PHACTR1: variants seen among roughly 807,000 people sequenced by gnomAD.
PHACTR1 encodes phosphatase and actin regulator 1, also known as RPEL repeat containing 1.
Under a neutral mutation model 69.2 loss-of-function variants are expected in PHACTR1, and 16 were observed. The ratio of observed to expected loss-of-function variants is 0.23; its 90% CI spans 0.16 to 0.35. The LOEUF (loss-of-function observed/expected upper bound fraction) is 0.35, where lower values mean the gene tolerates loss of function less well. PHACTR1 is among the 10% of genes least tolerant of loss of function. The pLI, the probability that PHACTR1 is intolerant of heterozygous loss-of-function variation, is 1.00. For missense variants in PHACTR1, 510 were observed against 734.7 expected, an observed-to-expected ratio of 0.69 and a Z score of 3.54; for synonymous variants, 312 against 284.5, an observed-to-expected ratio of 1.10 and a Z score of -0.97.
chr6:13,286,014 C>T lies in PHACTR1; in HGVS notation c.1651-132C>T, dbSNP rs1427927834. 7.1e-6 allele frequency: 5 copies of T among 700,258 alleles called. No individual in the cohort carries two copies. In the African/African-American group the frequency reaches 9.4e-5, roughly 13 times the overall value. 43.4% of individuals were successfully genotyped at this position (700,258 alleles called of 1,614,324 possible). A position where few individuals can be genotyped will look rare whatever the true frequency, so the allele number is the denominator to read the frequency against. ...CATCTCAGGTGATTTTTCTTCCTCC[C>T]AATGAAAGAATCCATCTTAAACTTG... On this transcript the variant is annotated intron_variant, in intron 13 of 14. Transcript: ENST00000332995.
chr6:13,014,236 G>A (rs1582966866), intron 4 of PHACTR1, among the ~76,000 whole-genome samples: 1 of 152,152 alleles, frequency 6.6e-6, no homozygotes, highest in South Asian at 2.1e-4. Context: ...GGCGTCTGTC[G>A]CCTGGAAAAC....
In PHACTR1 at chr6:12,749,794, A is replaced by G. The variant is rs769012233; in HGVS notation, c.250+4A>G. 2.4e-5 allele frequency: 38 copies of G among 1,587,270 alleles called. No homozygotes were observed. The highest frequency in any genetic ancestry group is 3.1e-5 in the Non-Finnish European group (36 of 1,166,288). ...ATCTCCTTTAACCTGGGGGCAGGTAAGAACGCCCCTGGCGCCGCGCCCCCG... is the reference window on the plus strand; with the variant it reads ...ATCTCCTTTAACCTGGGGGCAGGTAGGAACGCCCCTGGCGCCGCGCCCCCG... On this transcript the variant is annotated splice_donor_region_variant and intron_variant, in intron 4 of 14. Transcript: ENST00000332995.
chr6:13,024,096 G>A (rs1801364681), intron 4 of PHACTR1, among the ~76,000 whole-genome samples: 1 of 151,720 alleles, frequency 6.6e-6, no homozygotes, highest in South Asian at 2.1e-4. Flanking sequence ...AAAAAAAACG[G>A]GAATAACAGC....
chr6:12,816,403 G>T (rs532921409), intron 4 of PHACTR1, among the ~76,000 whole-genome samples: 1 of 152,292 alleles, frequency 6.6e-6, no homozygotes, highest in African/African-American at 2.4e-5. Flanking sequence ...ATTAAACTCT[G>T]TGGGTGTGTA....
intron 4 of PHACTR1, among the ~76,000 whole-genome samples, chr6:12,980,511 C>A (rs1314052903): frequency 1.3e-5 from 2 of 151,936 alleles, no homozygotes; most frequent in African/African-American, 2.4e-5. Flanking sequence ...TTGCACTTAC[C>A]CAGTAGTGCC....
At chr6:13,118,980 G>A (rs538764320) in intron 5 of PHACTR1, among the ~76,000 whole-genome samples, 5 of 152,156 alleles carry the variant, frequency 3.3e-5, no homozygotes, top group Non-Finnish European at 5.9e-5. Context: ...GAGTTCCTAT[G>A]AGTCAAAAAG....
chr6:13,225,161 T>G (rs1209223154), intron 8 of PHACTR1, among the ~76,000 whole-genome samples: 1 of 152,256 alleles, frequency 6.6e-6, no homozygotes, highest in Admixed American at 6.5e-5. Flanking sequence ...GGCATTTGTC[T>G]TCTTCTCAGG....
chr6:13,217,044 C>A (rs1412357469), intron 8 of PHACTR1, among the ~76,000 whole-genome samples: 2 of 152,054 alleles, frequency 1.3e-5, no homozygotes, highest in Admixed American at 6.5e-5. Flanking sequence ...TCTTGGAAAC[C>A]ATCGTCCAGA....
chr6:13,036,038 T>C (rs1803253135), intron 4 of PHACTR1, among the ~76,000 whole-genome samples: 1 of 152,110 alleles, frequency 6.6e-6, no homozygotes, highest in African/African-American at 2.4e-5. Context: ...ATTTAAGAGA[T>C]AGGTTCTCAT....
At chr6:13,135,828 C>T (rs1821456605) in intron 5 of PHACTR1, among the ~76,000 whole-genome samples, 1 of 151,210 alleles carries the variant, frequency 6.6e-6, no homozygotes, top group South Asian at 2.1e-4. Context: ...CAAGACCAGC[C>T]TGGGCAATGC....
At chr6:12,756,918 GC>G (rs1170446659) in intron 4 of PHACTR1, among the ~76,000 whole-genome samples, 1 of 151,802 alleles carries the variant, frequency 6.6e-6, no homozygotes, top group Non-Finnish European at 1.5e-5. Context: ...TTCCACCTGG[GC>G]CCTTTTTTAG....
intron 12 of PHACTR1, chr6:13,279,843 T>G (rs1231017984): frequency 1.3e-5 from 2 of 152,192 alleles, no homozygotes; most frequent in Non-Finnish European, 2.9e-5. Flanking sequence ...ATGCATTAGC[T>G]TTTTCTCATC....
chr6:12,907,382 T>C (rs1161835397), intron 4 of PHACTR1, among the ~76,000 whole-genome samples: 5 of 152,264 alleles, frequency 3.3e-5, no homozygotes, highest in Admixed American at 2.0e-4. Flanking sequence ...ATTTCACTTA[T>C]GTGCTCTCCA....
At chr6:13,060,801 T>C (rs570618438) in intron 5 of PHACTR1, among the ~76,000 whole-genome samples, 1 of 152,306 alleles carries the variant, frequency 6.6e-6, no homozygotes, top group East Asian at 1.9e-4. Flanking sequence ...TCATTGGCTT[T>C]TGGCTGTCCT....
At chr6:12,973,178 C>A (rs1486613538) in intron 4 of PHACTR1, among the ~76,000 whole-genome samples, 4 of 152,114 alleles carry the variant, frequency 2.6e-5, no homozygotes, top group East Asian at 1.9e-4. Context: ...CTCTAGAAAC[C>A]CTTTGTTTAA....
At chr6:13,238,396 C>CCTT (rs1318394527) in intron 10 of PHACTR1, among the ~76,000 whole-genome samples, 1 of 152,134 alleles carries the variant, frequency 6.6e-6, no homozygotes, top group African/African-American at 2.4e-5. Flanking sequence ...CTGATCATCT[C>CCTT]CATGAAACCT....
At chr6:12,833,939 T>G (rs1777870207) in intron 4 of PHACTR1, among the ~76,000 whole-genome samples, 1 of 152,126 alleles carries the variant, frequency 6.6e-6, no homozygotes, top group Admixed American at 6.5e-5. Context: ...TGGTCTTCCC[T>G]GATTATCCTG....
chr6:12,841,450 A>G (rs187222543), intron 4 of PHACTR1, among the ~76,000 whole-genome samples: 69 of 152,308 alleles, frequency 4.5e-4, no homozygotes, highest in African/African-American at 1.6e-3. Context: ...GGGCTTCACA[A>G]TATCTCAGCT....
chr6:13,070,371 C>G (rs1809317760), intron 5 of PHACTR1, among the ~76,000 whole-genome samples: 1 of 152,162 alleles, frequency 6.6e-6, no homozygotes, highest in South Asian at 2.1e-4. Context: ...TGAGTGCCCA[C>G]CTGACAAGTG....
Sources: allele counts gnomAD v4.1 joint callset (sites outside exome capture counted in the v4.1 genomes callset), GRCh38; gene constraint gnomAD v4.1.1; transcripts MANE v1.5; gene names NCBI Gene and HGNC (gene_info 2026-07-23, HGNC 2026-07-21).